Variants in ANKRD20A1 observed in about 807,000 individuals in gnomAD.
ANKRD20A1 encodes the protein ankyrin repeat domain 20 family member A1.
In ANKRD20A1, 2 loss-of-function variants were observed where a neutral mutation model predicts 50.9. That is an observed-to-expected ratio of 0.04 (90% confidence interval 0.02 to 0.12). The LOEUF is 0.12. Among genes scored for constraint, ANKRD20A1 ranks in the 10% least tolerant of loss-of-function variants. ANKRD20A1 has a pLI of 1.00. For missense variants in ANKRD20A1, 31 were observed against 548.1 expected (o/e 0.06, Z 9.42); for synonymous variants, 10 against 186.2 (o/e 0.05, Z 7.70).
intron 11 of ANKRD20A1, among the ~76,000 whole-genome samples, chr9:67,888,897 C>T (rs1827907487): frequency 6.6e-6 from 1 of 150,674 alleles, no homozygotes; most frequent in South Asian, 2.1e-4. Flanking sequence ...TCTGTCCTGT[C>T]TCACGGTGTT....
intron 6 of ANKRD20A1, among the ~76,000 whole-genome samples, chr9:67,872,021 A>G (rs1827657756): frequency 1.0e-5 from 1 of 96,318 alleles, no homozygotes; most frequent in African/African-American, 3.3e-5. Context: ...GCAGAGGCAG[A>G]AGAAAATCTG....
In ANKRD20A1 at chr9:67,900,838, G is replaced by GC. The variant is rs1828054608; in HGVS notation, c.1844dup (p.Ala616CysfsTer7). The GC allele has an allele frequency of 6.3e-7, 1 of 1,593,938 alleles. No individual in the cohort carries two copies. Among genetic ancestry groups the GC allele is most frequent in the Admixed American group, 1.7e-5 (1 of 57,294 alleles). ...TGAATCTTATCAGTCTAGACTGGCT[G>GC]CTGCTATAAGCAAACACAGTGAAAG... is the stretch of plus-strand genomic sequence containing the variant. On this transcript the variant is annotated frameshift_variant, in exon 15 of 15. Transcript: ENST00000562196. LOFTEE classifies it high-confidence loss of function.
chr9:67,885,695 T>G (rs1416038057), intron 9 of ANKRD20A1, among the ~76,000 whole-genome samples: 1 of 152,310 alleles, frequency 6.6e-6, no homozygotes, highest in Admixed American at 6.5e-5. Flanking sequence ...GAAACCAATA[T>G]GGAAGCACAT....
intron 9 of ANKRD20A1, among the ~76,000 whole-genome samples, chr9:67,885,453 A>G (rs1337608998): frequency 3.9e-5 from 6 of 152,310 alleles, no homozygotes; most frequent in Admixed American, 1.3e-4. Context: ...ATGGTCAGCC[A>G]TGTATGGCTA....
chr9:67,872,698 G>T (rs968555402), intron 6 of ANKRD20A1, among the ~76,000 whole-genome samples: 46 of 132,952 alleles, frequency 3.5e-4, no homozygotes, highest in Non-Finnish European at 6.4e-4. Flanking sequence ...TATCATAGGA[G>T]ATGGGGTCTC....
intron 9 of ANKRD20A1, among the ~76,000 whole-genome samples, chr9:67,885,478 A>C (rs1827866011): frequency 6.6e-6 from 1 of 152,310 alleles, no homozygotes; most frequent in African/African-American, 2.4e-5. Flanking sequence ...TTGTTTTTAT[A>C]GAAAATGTTG....
In ANKRD20A1 at chr9:67,860,562, A is replaced by T. The variant is rs1431725905; in HGVS notation, c.203+933A>T. 4 of 39,168 alleles carry T rather than the reference A, an allele frequency of 1.0e-4. 2 individuals carry two copies. The highest frequency in any genetic ancestry group is 6.2e-4 in the African/African-American group (4 of 6,504). 2.4% of individuals were successfully genotyped at this position (39,168 alleles called of 1,614,324 possible). ...AAGTTACTTATATACATAGGAAAAA[A>T]TCCTTCGCATTTCTGGTATAAGAAT... is the stretch of plus-strand genomic sequence containing the variant. On this transcript the variant is annotated intron_variant, in intron 1 of 14. Transcript: ENST00000562196.
At chr9:67,882,960 A>T (rs1461610140) in intron 8 of ANKRD20A1, among the ~76,000 whole-genome samples, 1 of 151,160 alleles carries the variant, frequency 6.6e-6, no homozygotes, top group Non-Finnish European at 1.5e-5. Flanking sequence ...TACAAAGGAC[A>T]TGAACTCATC....
At chr9:67,860,029 G>T (rs1587593738) in intron 1 of ANKRD20A1, among the ~76,000 whole-genome samples, 4 of 35,308 alleles carry the variant, frequency 1.1e-4, no homozygotes, top group South Asian at 1.9e-3. Flanking sequence ...TGAAAAGTAT[G>T]TTTTCATTTT....
At position 67,859,372 on chromosome 9, in the gene ANKRD20A1, G is replaced by A; in HGVS notation, c.-55G>A. ...GAGGGGGGTGGTGAAAAGGTGACAGGGAGCTGCCCCCGCTCAAGAGCCGGT... is the reference window on the plus strand; with the variant it reads ...GAGGGGGGTGGTGAAAAGGTGACAGAGAGCTGCCCCCGCTCAAGAGCCGGT... On this transcript the variant is annotated 5_prime_UTR_variant, in exon 1 of 15. Coordinates refer to ENST00000562196, the MANE Select transcript of ANKRD20A1 (RefSeq NM_032250.5). 1 of 590,574 alleles carries A rather than the reference G, an allele frequency of 1.7e-6. No individual in the cohort carries two copies. Among genetic ancestry groups the A allele is most frequent in the East Asian group, 4.5e-5 (1 of 22,450 alleles). The allele number at this position is 590,574 out of a possible 1,614,324, so 36.6% of individuals were successfully genotyped here.
chr9:67,885,203 A>AC (rs1827859317), intron 9 of ANKRD20A1, among the ~76,000 whole-genome samples: 1 of 152,268 alleles, frequency 6.6e-6, no homozygotes, highest in African/African-American at 2.4e-5. Flanking sequence ...ATAAAAAAGC[A>AC]TATGCAGAGG....
At chr9:67,884,372 C>G (rs1827841110) in intron 8 of ANKRD20A1, 114 bp from the exon 9 acceptor site, 1 of 1,065,398 alleles carries the variant, frequency 9.4e-7, no homozygotes, top group African/African-American at 1.5e-5. Context: ...CCCCTGCATT[C>G]TAGCCCTGGG....
chr9:67,900,425 C>A (rs1324181198), intron 14 of ANKRD20A1, 68 bp from the exon 15 acceptor site: 3 of 761,752 alleles, frequency 3.9e-6, no homozygotes, highest in East Asian at 1.0e-4. Context: ...GCAGGTTATT[C>A]TTTAACTTCA....
At chr9:67,884,934 G>A (rs1290616579) in intron 9 of ANKRD20A1, among the ~76,000 whole-genome samples, 1 of 141,890 alleles carries the variant, frequency 7.0e-6, no homozygotes, top group Admixed American at 7.7e-5. Flanking sequence ...ATGTTTCTTT[G>A]AAAATATGAG....
At chr9:67,882,962 G>T (rs1403921840) in intron 8 of ANKRD20A1, among the ~76,000 whole-genome samples, 3 of 151,240 alleles carry the variant, frequency 2.0e-5, no homozygotes, top group East Asian at 4.0e-4. Context: ...CAAAGGACAT[G>T]AACTCATCCT....
chr9:67,890,710 TG>T (rs1365643711), intron 11 of ANKRD20A1, among the ~76,000 whole-genome samples: 3 of 148,796 alleles, frequency 2.0e-5, no homozygotes, highest in Non-Finnish European at 3.0e-5. Context: ...ATTGATTAAC[TG>T]CAGCTAATAT....
intron 12 of ANKRD20A1, 63 bp from the exon 13 acceptor site, chr9:67,897,495 AT>A (rs1165731237): frequency 2.0e-6 from 1 of 512,492 alleles, no homozygotes; most frequent in Non-Finnish European, 3.2e-6. Flanking sequence ...AGTAAAAAAA[AT>A]CAGGGAAAAA....
intron 8 of ANKRD20A1, among the ~76,000 whole-genome samples, chr9:67,881,884 TTGGAAGCTCCTGCATACCGTAAGCTAC>T (rs1489509972): frequency 4.7e-5 from 7 of 150,448 alleles, no homozygotes; most frequent in African/African-American, 1.7e-4. Flanking sequence ...TAAATAATCA[TTGGAAGCTCCTGCATACCGTAAGCTAC>T]TGGAGGTCAG....
rs1319488933 is a variant in ANKRD20A1 at position 67,872,339 on chromosome 9, TACATAC to T, written c.793+1137_793+1142del. On this transcript the variant is annotated intron_variant, in intron 6 of 14. Coordinates refer to ENST00000562196, the MANE Select transcript of ANKRD20A1 (RefSeq NM_032250.5). ...ATGATTTTATCTGTCATAGTTTACA[TACATAC>T]ACATACACACACGCACATGTGCACA... is the stretch of plus-strand genomic sequence containing the variant. Among the ~76,000 whole-genome samples the T allele has an allele frequency of 9.7e-5, 13 of 133,928 alleles. 2 individuals are homozygous for T. Among genetic ancestry groups the T allele is most frequent in the Non-Finnish European group, 6.6e-5 (4 of 60,902 alleles). 87.9% of individuals were successfully genotyped at this position (133,928 alleles called of 152,430 possible).
Sources: allele counts gnomAD v4.1 joint callset (sites outside exome capture counted in the v4.1 genomes callset), GRCh38; gene constraint gnomAD v4.1.1; transcripts MANE v1.5; gene names NCBI Gene and HGNC (gene_info 2026-07-23, HGNC 2026-07-21).